TAFA1: variants seen among roughly 807,000 people sequenced by gnomAD.
TAFA1 encodes TAFA chemokine like family member 1, also known as chemokine-like protein TAFA-1.
Under a neutral mutation model 18.5 loss-of-function variants are expected in TAFA1, and 4 were observed. The observed-to-expected ratio is 0.22, with a 90% CI of 0.11 to 0.49. The LOEUF (loss-of-function observed/expected upper bound fraction) is 0.49, where lower values mean the gene tolerates loss of function less well. TAFA1 is among the 20% of genes least tolerant of loss of function. TAFA1 has a pLI of 0.98. For synonymous variants in TAFA1, 56 were observed against 55.2 expected (o/e 1.01, Z -0.06); for missense variants, 147 against 169.0 (o/e 0.87, Z 0.72).
intron 2 of TAFA1, among the ~76,000 whole-genome samples, chr3:68,300,921 A>C (rs2068293266): frequency 6.6e-6 from 1 of 152,122 alleles, no homozygotes; most frequent in Admixed American, 6.5e-5. Flanking sequence ...GCTAAATTGT[A>C]AGTCAATTAA....
chr3:68,480,791 C>G (rs2072220316), intron 3 of TAFA1, among the ~76,000 whole-genome samples: 1 of 152,090 alleles, frequency 6.6e-6, no homozygotes, highest in African/African-American at 2.4e-5. Context: ...GTGTCCCCAC[C>G]CAAGTCTCAT....
chr3:68,535,113 G>T (rs548169542), intron 3 of TAFA1, among the ~76,000 whole-genome samples: 95 of 152,242 alleles, frequency 6.2e-4, no homozygotes, highest in African/African-American at 1.8e-3. Flanking sequence ...GGTAGTAAAT[G>T]TAACTGGACT....
chr3:68,338,026 T>C (rs2069005221), intron 2 of TAFA1, among the ~76,000 whole-genome samples: 1 of 152,214 alleles, frequency 6.6e-6, no homozygotes, highest in Non-Finnish European at 1.5e-5. Flanking sequence ...TTAAGGTTCT[T>C]TGGGTTGGAG....
rs888903795 is a variant in TAFA1 at position 68,545,611 on chromosome 3, T to G, written c.*1108T>G. Reference sequence around the variant, plus strand: ...CAGCCCTATTAAAGTGGTAAACAACTTCTTTCTAAACCTACTTGTCTTCTT... The same window carrying G: ...CAGCCCTATTAAAGTGGTAAACAACGTCTTTCTAAACCTACTTGTCTTCTT... On this transcript the variant is annotated 3_prime_UTR_variant, in exon 5 of 5. Coordinates refer to ENST00000478136, the MANE Select transcript of TAFA1 (RefSeq NM_213609.4). 5.2e-5 allele frequency: 8 copies of G among 152,620 alleles called. No homozygotes were observed. Among genetic ancestry groups the G allele is most frequent in the African/African-American group, 1.9e-4 (8 of 41,462 alleles). 9.5% of individuals were successfully genotyped at this position (152,620 alleles called of 1,614,324 possible). A position where few individuals can be genotyped will look rare whatever the true frequency, so the allele number is the denominator to read the frequency against.
intron 2 of TAFA1, among the ~76,000 whole-genome samples, chr3:68,111,767 C>T (rs1448380402): frequency 1.7e-5 from 2 of 120,504 alleles, no homozygotes; most frequent in African/African-American, 6.1e-5. Context: ...TAATCCATGA[C>T]ACACACATGA....
At chr3:68,048,733 T>C (rs558682520) in intron 2 of TAFA1, among the ~76,000 whole-genome samples, 165 of 152,276 alleles carry the variant, frequency 1.1e-3, no homozygotes, top group African/African-American at 3.7e-3. Flanking sequence ...TTGCCTGGCT[T>C]ATTTCATTTA....
chr3:68,233,816 T>C (rs1404995817), intron 2 of TAFA1, among the ~76,000 whole-genome samples: 2 of 152,206 alleles, frequency 1.3e-5, no homozygotes, highest in African/African-American at 2.4e-5. Context: ...ATTTTTTTAA[T>C]GAAGCAAAGG....
At chr3:68,041,247 C>T (rs1231640871) in intron 2 of TAFA1, among the ~76,000 whole-genome samples, 1 of 152,188 alleles carries the variant, frequency 6.6e-6, no homozygotes, top group Non-Finnish European at 1.5e-5. Flanking sequence ...GATTCTTTTA[C>T]ATGAACATAT....
chr3:68,028,749 A>T (rs528046629), intron 2 of TAFA1, among the ~76,000 whole-genome samples: 27 of 33,858 alleles, frequency 8.0e-4, no homozygotes, highest in Admixed American at 2.9e-3. Context: ...TTTTTTTTTA[A>T]AATTTTTTTT....
At chr3:68,022,563 G>A (rs1432730645) in intron 2 of TAFA1, among the ~76,000 whole-genome samples, 1 of 151,920 alleles carries the variant, frequency 6.6e-6, no homozygotes, top group Non-Finnish European at 1.5e-5. Flanking sequence ...GTAGGAATGG[G>A]TTATGCCAAG....
intron 2 of TAFA1, among the ~76,000 whole-genome samples, chr3:68,375,819 A>G (rs924785194): frequency 3.9e-5 from 6 of 152,216 alleles, no homozygotes; most frequent in African/African-American, 9.6e-5. Flanking sequence ...ATGTGCATAT[A>G]TAAATATCCC....
At chr3:68,516,058 G>C (rs2072915741) in intron 3 of TAFA1, among the ~76,000 whole-genome samples, 1 of 152,208 alleles carries the variant, frequency 6.6e-6, no homozygotes, top group Non-Finnish European at 1.5e-5. Context: ...GTTCACATGA[G>C]AGAGTACCTC....
intron 2 of TAFA1, among the ~76,000 whole-genome samples, chr3:68,096,536 C>T (rs556980505): frequency 1.3e-5 from 2 of 152,164 alleles, no homozygotes; most frequent in South Asian, 4.1e-4. Context: ...TTATTTTGTT[C>T]TTTCAACAAT....
intron 3 of TAFA1, among the ~76,000 whole-genome samples, chr3:68,461,085 C>T (rs1485653230): frequency 6.6e-6 from 1 of 151,794 alleles, no homozygotes; most frequent in Non-Finnish European, 1.5e-5. Context: ...AGTTTGAGAC[C>T]AGCTTGACCA....
intron 2 of TAFA1, among the ~76,000 whole-genome samples, chr3:68,262,466 T>C (rs1359586518): frequency 1.3e-5 from 2 of 150,846 alleles, no homozygotes; most frequent in Non-Finnish European, 3.0e-5. Context: ...ACCATATCTA[T>C]TGTTCCTATG....
intron 2 of TAFA1, among the ~76,000 whole-genome samples, chr3:68,367,137 G>A (rs1028287055): frequency 9.9e-5 from 15 of 152,192 alleles, no homozygotes; most frequent in Admixed American, 2.0e-4. Context: ...AATTTAGATC[G>A]TGCTAGCACA....
intron 2 of TAFA1, among the ~76,000 whole-genome samples, chr3:68,319,700 C>A (rs989212031): frequency 1.3e-5 from 2 of 152,144 alleles, no homozygotes; most frequent in Non-Finnish European, 2.9e-5. Context: ...TGTCCCCATC[C>A]CAAAATGAAT....
At chr3:68,269,403 G>A (rs2067616745) in intron 2 of TAFA1, among the ~76,000 whole-genome samples, 1 of 152,144 alleles carries the variant, frequency 6.6e-6, no homozygotes, top group Non-Finnish European at 1.5e-5. Context: ...ATAATGATGA[G>A]GTTACAATGA....
At chr3:68,122,597 A>G (rs1227558841) in intron 2 of TAFA1, among the ~76,000 whole-genome samples, 1 of 152,210 alleles carries the variant, frequency 6.6e-6, no homozygotes, top group Non-Finnish European at 1.5e-5. Context: ...ACCATACCCT[A>G]ATGAAATTCA....
Sources: gnomAD v4.1 joint callset for allele counts (sites outside exome capture counted in the v4.1 genomes callset) on GRCh38, gnomAD v4.1.1 for gene constraint, MANE v1.5 for transcripts, NCBI Gene and HGNC (gene_info 2026-07-23, HGNC 2026-07-21) for gene names.